Variants in DCC observed in about 807,000 individuals in gnomAD.
The protein encoded by DCC is netrin receptor DCC.
Under a neutral mutation model 172.5 loss-of-function variants are expected in DCC, and 58 were observed. The ratio of observed to expected loss-of-function variants is 0.34; its 90% CI spans 0.27 to 0.42. The LOEUF is 0.42. Among genes scored for constraint, DCC ranks in the 10% least tolerant of loss-of-function variants. The pLI, the probability that DCC is intolerant of heterozygous loss-of-function variation, is 1.00. For missense variants in DCC, 1,740 were observed against 1,791.0 expected (o/e 0.97, Z 0.51); for synonymous variants, 709 against 644.5 (o/e 1.10, Z -1.52).
chr18:52,913,630 G>A (rs1283964564), intron 3 of DCC, among the ~76,000 whole-genome samples: 1 of 152,052 alleles, frequency 6.6e-6, no homozygotes, highest in African/African-American at 2.4e-5. Context: ...ATTTGAGATT[G>A]TCCTCCACGT....
At chr18:52,414,130 G>T (rs1986934918) in intron 1 of DCC, among the ~76,000 whole-genome samples, 1 of 152,026 alleles carries the variant, frequency 6.6e-6, no homozygotes, top group Admixed American at 6.6e-5. Context: ...GTCCAGGCTG[G>T]AGTGCAGTGG....
intron 1 of DCC, among the ~76,000 whole-genome samples, chr18:52,361,885 A>C (rs1462981423): frequency 1.3e-5 from 2 of 152,200 alleles, no homozygotes; most frequent in African/African-American, 4.8e-5. Context: ...TGTGGCTTCT[A>C]AATTTCCTCC....
In DCC at chr18:53,452,059, A is replaced by AGTCAT. The variant is rs2045421430; in HGVS notation, c.3392+1398_3392+1402dup. Reference sequence around the variant, plus strand: ...AGCCTCATGTGTGAGCATTCTGGGAAGTCATAATCACTCACAGAGCTTCCA... The same window carrying AGTCAT: ...AGCCTCATGTGTGAGCATTCTGGGAAGTCATGTCATAATCACTCACAGAGCTTCCA... On this transcript the variant is annotated intron_variant, in intron 23 of 28. Transcript: ENST00000442544. 1.3e-5 allele frequency among the ~76,000 whole-genome samples: 2 copies of AGTCAT among 152,214 alleles called. 1 individual carries two copies. The highest frequency in any genetic ancestry group is 4.1e-4 in the South Asian group (2 of 4,838).
At chr18:52,560,352 T>C (rs2144738492) in intron 1 of DCC, among the ~76,000 whole-genome samples, 1 of 152,360 alleles carries the variant, frequency 6.6e-6, no homozygotes, top group Middle Eastern at 3.4e-3. Context: ...TTCTTTCCGT[T>C]TATTCAACTA....
chr18:52,383,598 T>A (rs1299436553), intron 1 of DCC, among the ~76,000 whole-genome samples: 8 of 152,088 alleles, frequency 5.3e-5, no homozygotes, highest in Admixed American at 1.3e-4. Context: ...TAGTCTCTTC[T>A]TTTTATTTAT....
intron 1 of DCC, among the ~76,000 whole-genome samples, chr18:52,663,737 T>C (rs1194493979): frequency 6.6e-6 from 1 of 152,216 alleles, no homozygotes; most frequent in Non-Finnish European, 1.5e-5. Context: ...ACATTCTCGC[T>C]TTCCATAGTA....
At chr18:53,327,889 T>A (rs2057485201) in intron 14 of DCC, among the ~76,000 whole-genome samples, 1 of 152,196 alleles carries the variant, frequency 6.6e-6, no homozygotes, top group East Asian at 1.9e-4. Context: ...TATTCTGTGA[T>A]TTATGATATG....
intron 1 of DCC, among the ~76,000 whole-genome samples, chr18:52,449,033 C>T (rs1324187908): frequency 6.6e-6 from 1 of 152,188 alleles, no homozygotes; most frequent in Non-Finnish European, 1.5e-5. Flanking sequence ...TACAGTTCCA[C>T]CTGGCTGGGG....
chr18:52,954,762 G>T (rs2040714685), intron 5 of DCC, among the ~76,000 whole-genome samples: 1 of 152,132 alleles, frequency 6.6e-6, no homozygotes, highest in Non-Finnish European at 1.5e-5. Context: ...TCGTTCCTCA[G>T]TCTCTTGTAA....
At chr18:53,055,118 T>TA (rs2042386341) in intron 5 of DCC, among the ~76,000 whole-genome samples, 1 of 152,094 alleles carries the variant, frequency 6.6e-6, no homozygotes, top group South Asian at 2.1e-4. Flanking sequence ...CATCTATAAA[T>TA]ATTTATGAAG....
At chr18:52,945,442 A>C (rs182353678) in intron 5 of DCC, among the ~76,000 whole-genome samples, 1 of 152,358 alleles carries the variant, frequency 6.6e-6, no homozygotes, top group African/African-American at 2.4e-5. Context: ...TAAATATGCT[A>C]TCTGGCATAT....
chr18:52,618,263 C>T (rs1320021013), intron 1 of DCC, among the ~76,000 whole-genome samples: 2 of 151,964 alleles, frequency 1.3e-5, no homozygotes, highest in Admixed American at 6.6e-5. Flanking sequence ...GTTTAAAAAC[C>T]ATGGAATATG....
chr18:53,495,784 G>T (rs2046015133), intron 26 of DCC, among the ~76,000 whole-genome samples: 1 of 152,118 alleles, frequency 6.6e-6, no homozygotes, highest in South Asian at 2.1e-4. Flanking sequence ...TTTTCATATA[G>T]TCCCATATGT....
intron 5 of DCC, among the ~76,000 whole-genome samples, chr18:52,963,462 T>C (rs954747217): frequency 9.9e-5 from 15 of 152,132 alleles, no homozygotes; most frequent in Non-Finnish European, 4.4e-5. Flanking sequence ...AGCAAAGACC[T>C]GCAAATGGAT....
intron 1 of DCC, among the ~76,000 whole-genome samples, chr18:52,714,470 A>C (rs1016353424): frequency 2.0e-5 from 3 of 152,218 alleles, no homozygotes; most frequent in African/African-American, 7.2e-5. Flanking sequence ...TAAATGCTGT[A>C]ATGTTATAAA....
intron 1 of DCC, among the ~76,000 whole-genome samples, chr18:52,541,231 C>T (rs1295198635): frequency 1.3e-5 from 2 of 152,172 alleles, no homozygotes; most frequent in African/African-American, 4.8e-5. Context: ...CATTCTTGGC[C>T]ACCTCACTCA....
rs1425971653 is a variant in DCC at position 53,456,964 on chromosome 18, A to G, written c.3393-2268A>G. Among the ~76,000 whole-genome samples the G allele has an allele frequency of 2.0e-5, 3 of 152,254 alleles. No individual in the cohort carries two copies. The East Asian group carries it at 5.8e-4, about 29-fold the overall frequency. On this transcript the variant is annotated intron_variant, in intron 23 of 28. Transcript: ENST00000442544. ...TAGAGGTTGGAGGGACAAAAGAAGG[A>G]GAGGCTCTCCAAGGCCAAAGATTTC...
At chr18:52,811,278 T>C (rs372023453) in intron 2 of DCC, among the ~76,000 whole-genome samples, 26 of 152,318 alleles carry the variant, frequency 1.7e-4, no homozygotes, top group East Asian at 1.2e-3. Context: ...CTTTTTCTTA[T>C]CACTTTTGGT....
intron 2 of DCC, among the ~76,000 whole-genome samples, chr18:52,824,692 C>T (rs887883107): frequency 6.6e-6 from 1 of 152,062 alleles, no homozygotes; most frequent in African/African-American, 2.4e-5. Flanking sequence ...TAGACATGGC[C>T]AGGCATTGTG....
Sources: gnomAD v4.1 joint callset for allele counts (sites outside exome capture counted in the v4.1 genomes callset) on GRCh38, gnomAD v4.1.1 for gene constraint, MANE v1.5 for transcripts, NCBI Gene and HGNC (gene_info 2026-07-23, HGNC 2026-07-21) for gene names.